The following PIWIL4 variants were observed in gnomAD, a reference collection of about 807,000 sequenced individuals.
PIWIL4 encodes piwi-like protein 4.
PIWIL4 carries 50 observed loss-of-function variants against 100.9 expected under a neutral mutation model. The ratio of observed to expected loss-of-function variants is 0.50; its 90% CI spans 0.39 to 0.63. PIWIL4 has a LOEUF of 0.63. Ranked by LOEUF, PIWIL4 falls within the 20% of genes least tolerant of loss-of-function variation. The pLI, the probability that PIWIL4 is intolerant of heterozygous loss-of-function variation, is 0.00. For missense variants in PIWIL4, 887 were observed against 1,043.3 expected (o/e 0.85, Z 2.06); for synonymous variants, 342 against 367.5 (o/e 0.93, Z 0.79).
At chr11:94,617,627 A>G (rs16920716) in intron 16 of PIWIL4, among the ~76,000 whole-genome samples, 9,168 of 152,290 alleles carry the variant, frequency 0.06, 534 homozygotes, top group East Asian at 0.19. Context: ...ACTTGAAGAC[A>G]CTAATATTTG....
chr11:94,619,151 G>T (rs761774278), intron 17 of PIWIL4, among the ~76,000 whole-genome samples: 1 of 152,114 alleles, frequency 6.6e-6, no homozygotes, highest in Non-Finnish European at 1.5e-5. Context: ...ATGAAACTCC[G>T]CAGTGATCCT....
chr11:94,608,988 G>A (rs1246781459), intron 15 of PIWIL4, among the ~76,000 whole-genome samples: 1 of 152,104 alleles, frequency 6.6e-6, no homozygotes, highest in Non-Finnish European at 1.5e-5. Context: ...ACCATATTGG[G>A]AACTGAACTA....
intron 6 of PIWIL4, among the ~76,000 whole-genome samples, chr11:94,586,395 A>G (rs1948398988): frequency 6.6e-6 from 1 of 152,154 alleles, no homozygotes; most frequent in South Asian, 2.1e-4. Flanking sequence ...CTATTATTTC[A>G]TGCCATTTCT....
In PIWIL4 at chr11:94,608,633, C is replaced by G. The variant is rs1948752299; in HGVS notation, c.1890C>G (p.Ser630Arg). Residue 630 changes from serine to arginine, a missense_variant, in exon 15 of 20, where the codon AGC becomes AGG. Around this residue, in one of 2 missense-constraint regions of PIWIL4, gnomAD observed 741 missense variants for 930.0 expected, o/e 0.80. Transcript: ENST00000299001. ...TTGATGTCTGTAAAGATGCACTCAG[C>G]AAGGACGTGATGGTTGTTGGATGCG... ...VGIDVCKDAL[S>R]KDVMVVGCVA... The G allele has an allele frequency of 1.2e-6, 2 of 1,614,028 alleles. No individual in the cohort carries two copies. Among genetic ancestry groups the G allele is most frequent in the South Asian group, 1.1e-5 (1 of 91,088 alleles).
chr11:94,575,203 A>G, intron 3 of PIWIL4, 73 bp downstream of exon 3: 1 of 1,457,038 alleles, frequency 6.9e-7, no homozygotes, highest in South Asian at 1.2e-5. Flanking sequence ...TTCTAGGTCT[A>G]AAATAAATAA....
intron 4 of PIWIL4, among the ~76,000 whole-genome samples, chr11:94,577,880 C>G (rs1369718783): frequency 6.6e-6 from 1 of 152,130 alleles, no homozygotes; most frequent in Admixed American, 6.5e-5. Flanking sequence ...TAATGATTTC[C>G]CATTGAAACT....
intron 17 of PIWIL4, among the ~76,000 whole-genome samples, chr11:94,618,905 G>A (rs1241600775): frequency 1.3e-5 from 2 of 152,084 alleles, no homozygotes; most frequent in Non-Finnish European, 2.9e-5. Context: ...AAAGTTTGGT[G>A]GCAGTATCAT....
At chr11:94,611,681 T>C (rs981084784) in intron 15 of PIWIL4, among the ~76,000 whole-genome samples, 1 of 152,124 alleles carries the variant, frequency 6.6e-6, no homozygotes, top group African/African-American at 2.4e-5. Context: ...TCTGTTAGTT[T>C]GTGCAACAGC....
intron 15 of PIWIL4, 25 bp downstream of exon 15, chr11:94,608,711 A>G (rs372116598): frequency 6.4e-7 from 1 of 1,569,450 alleles, no homozygotes; most frequent in South Asian, 1.1e-5. Context: ...ACCTGAACAC[A>G]TGCTTCATTT....
In PIWIL4 at chr11:94,605,362, G is replaced by A. The variant is rs539147868; in HGVS notation, c.1638+1306G>A. Among the ~76,000 whole-genome samples, 9 of 152,168 alleles carry A rather than the reference G, an allele frequency of 5.9e-5. No homozygotes were observed. In the South Asian group the frequency reaches 1.2e-3, roughly 21 times the overall value. The stretch of plus-strand genomic sequence containing the variant: ...CTAGTTATTTTGTATAACGTCCCTC[G>A]ATTTGGGTTTGTCTGATGTCTCCTC... On this transcript the variant is annotated intron_variant, in intron 13 of 19. Coordinates refer to ENST00000299001, the MANE Select transcript of PIWIL4 (RefSeq NM_152431.3).
intron 3 of PIWIL4, 48 bp downstream of exon 3, chr11:94,575,178 T>C (rs754655362): frequency 3.0e-5 from 47 of 1,580,962 alleles, no homozygotes; most frequent in Non-Finnish European, 3.9e-5. Context: ...CAAATCTTGC[T>C]TAAGGACTTC....
chr11:94,617,488 T>C (rs11020858), intron 16 of PIWIL4, among the ~76,000 whole-genome samples: 47,144 of 151,958 alleles, frequency 0.31, 7,680 homozygotes, highest in East Asian at 0.37. Flanking sequence ...TTGGAATCAA[T>C]TGGGTGAGTC....
At chr11:94,598,531 A>T (rs994697479) in intron 11 of PIWIL4, among the ~76,000 whole-genome samples, 1 of 152,064 alleles carries the variant, frequency 6.6e-6, no homozygotes, top group Non-Finnish European at 1.5e-5. Flanking sequence ...CGCAAAAATT[A>T]TACATTATCT....
At position 94,577,472 on chromosome 11, in the gene PIWIL4, T is replaced by C. The variant is rs1323521803; in HGVS notation, c.493T>C (p.Ser165Pro). The C allele has an allele frequency of 6.2e-7, 1 of 1,613,162 alleles. No homozygotes were observed. The highest frequency in any genetic ancestry group is 2.2e-5 in the East Asian group (1 of 44,850). Residue 165 changes from serine to proline, a missense_variant, in exon 4 of 20, where the codon TCA (serine) becomes CCA (proline). This residue lies in a region of PIWIL4 where 741 missense variants were observed against 930.0 expected (regional missense o/e 0.80). Coordinates refer to ENST00000299001, the MANE Select transcript of PIWIL4 (RefSeq NM_152431.3). ...ATTCGACGGTGCCATCCTTTTTCTG[T>C]CACAAAAGCTAGAAGAAAAGGTATA... ...KAFDGAILFL[S>P]QKLEEKVTEL...
intron 15 of PIWIL4, among the ~76,000 whole-genome samples, chr11:94,615,617 T>C (rs1345851460): frequency 6.6e-6 from 1 of 152,162 alleles, no homozygotes; most frequent in Non-Finnish European, 1.5e-5. Context: ...GTTTTGTTGT[T>C]GTTTTTTACA....
chr11:94,570,061 A>G (rs954159333), intron 2 of PIWIL4, among the ~76,000 whole-genome samples: 5 of 152,192 alleles, frequency 3.3e-5, no homozygotes, highest in Non-Finnish European at 7.3e-5. Context: ...GCATGTAGCC[A>G]ACTGCTCTCT....
rs1185966279 is a variant in PIWIL4 at position 94,583,038 on chromosome 11, A to ATGTGTGTG, written c.514-409_514-408insGTGTGTGT. ...GTACACTGTTGTGGTGTGTGTATAT[A>ATGTGTGTG]TATATATGTGTGTGTGTGTGTGTGT... On this transcript the variant is annotated intron_variant, in intron 4 of 19. Transcript: ENST00000299001. Among the ~76,000 whole-genome samples the ATGTGTGTG allele has an allele frequency of 2.2e-3, 229 of 104,106 alleles. 1 individual carries two copies. Among genetic ancestry groups the ATGTGTGTG allele is most frequent in the African/African-American group, 9.1e-3 (217 of 23,882 alleles). The allele number at this position is 104,106 out of a possible 152,430, so 68.3% of individuals were successfully genotyped here.
chr11:94,583,117 A>G lies in PIWIL4; in HGVS notation c.514-331A>G, dbSNP rs375889931. Among the ~76,000 whole-genome samples the G allele has an allele frequency of 5.3e-5, 8 of 151,840 alleles. No homozygotes were observed. In the East Asian group the frequency reaches 1.4e-3, roughly 26 times the overall value. On this transcript the variant is annotated intron_variant, in intron 4 of 19. Transcript: ENST00000299001. ...ATCTAACTTTTATCAGACTCTCAAA[A>G]TAATTTGTGACCCATCTCCCTCCCG...
rs1428058656 is a variant in PIWIL4 at position 94,597,861 on chromosome 11, A to G, written c.1326A>G (p.Ile442Met). The G allele has an allele frequency of 6.2e-7, 1 of 1,614,000 alleles. No individual in the cohort carries two copies. Among genetic ancestry groups the G allele is most frequent in the Non-Finnish European group, 8.5e-7 (1 of 1,179,978 alleles). Residue 442 changes from isoleucine (I) to methionine (M), a missense_variant, in exon 11 of 20, where the codon ATA becomes ATG. By Grantham distance (10) the Ile-to-Met change is conservative (BLOSUM62 1). Around this residue, in one of 2 missense-constraint regions of PIWIL4, gnomAD observed 741 missense variants for 930.0 expected, o/e 0.80. Transcript: ENST00000299001. Reference protein sequence around the residue: ...ETWGLHFGSQISLTGRIVPSE... With the variant: ...ETWGLHFGSQMSLTGRIVPSE... ...GGGGACTGCATTTTGGAAGCCAGAT[A>G]TCTCTGACTGGCCGGATTGTGCCTT...
Sources: allele counts gnomAD v4.1 joint callset (sites outside exome capture counted in the v4.1 genomes callset), GRCh38; gene constraint gnomAD v4.1.1; regional missense constraint gnomAD v4.1.1; transcripts MANE v1.5; gene names NCBI Gene and HGNC (gene_info 2026-07-23, HGNC 2026-07-21).